The following SAMD5 variants were observed in gnomAD, a reference collection of about 807,000 sequenced individuals.
SAMD5 encodes sterile alpha motif domain containing 5.
Under a neutral mutation model 11.3 loss-of-function variants are expected in SAMD5, and 13 were observed. The observed-to-expected ratio is 1.15, with a 90% confidence interval of 0.75 to 1.83. The LOEUF (loss-of-function observed/expected upper bound fraction) is 1.83. Ranked by LOEUF, SAMD5 falls within the 40% of genes most tolerant of loss-of-function variation. The pLI is 0.00. For synonymous variants in SAMD5, 129 were observed against 111.3 expected, an observed-to-expected ratio of 1.16 and a Z score of -1.00; for missense variants, 255 against 239.1, an observed-to-expected ratio of 1.07 and a Z score of -0.44.
chr6:147,573,986 G>T (rs888601656), downstream of SAMD5, among the ~76,000 whole-genome samples: 2 of 152,036 alleles, frequency 1.3e-5, no homozygotes, highest in African/African-American at 4.8e-5. Context: ...AAATTAGCCG[G>T]GCGTGGTGGC....
At chr6:147,529,398 G>A (rs1303020624) in intron 1 of SAMD5, among the ~76,000 whole-genome samples, 4 of 151,992 alleles carry the variant, frequency 2.6e-5, no homozygotes, top group Admixed American at 6.6e-5. Flanking sequence ...CCAAGAGTTC[G>A]ATGAATACCA....
chr6:147,929,466 C>T, the SAMD5 span, among the ~76,000 whole-genome samples: 1 of 152,176 alleles, frequency 6.6e-6, no homozygotes, highest in Non-Finnish European at 1.5e-5. Context: ...TTTTATCTTT[C>T]TCACCTTGAA....
At chr6:147,646,030 C>CTATCTATCTATG (rs1790394723) in intron 1 of SAMD5, among the ~76,000 whole-genome samples, 1 of 14,740 alleles carries the variant, frequency 6.8e-5, no homozygotes, top group Non-Finnish European at 1.3e-4. Flanking sequence ...ATCTATGTAT[C>CTATCTATCTATG]TATCTATCTA....
intron 1 of SAMD5, among the ~76,000 whole-genome samples, chr6:147,625,129 AG>A (rs1790032121): frequency 6.6e-6 from 1 of 152,062 alleles, no homozygotes; most frequent in South Asian, 2.1e-4. Context: ...GGGTTCCTGG[AG>A]GGTTTACATG....
At chr6:147,865,535 G>A in the SAMD5 span, among the ~76,000 whole-genome samples, 2 of 152,102 alleles carry the variant, frequency 1.3e-5, no homozygotes, top group Non-Finnish European at 2.9e-5. Flanking sequence ...TAGCAGCTTT[G>A]CAATTCTAAG....
intron 1 of SAMD5, among the ~76,000 whole-genome samples, chr6:147,541,782 C>T (rs1377281105): frequency 1.3e-5 from 2 of 152,180 alleles, no homozygotes; most frequent in African/African-American, 4.8e-5. Context: ...TTGTCCTATT[C>T]TCCGTCTGAG....
the SAMD5 span, among the ~76,000 whole-genome samples, chr6:147,768,383 A>T: frequency 6.6e-6 from 1 of 152,112 alleles, no homozygotes; most frequent in Non-Finnish European, 1.5e-5. Context: ...CTGTAATCCC[A>T]GCTACTTGGG....
chr6:147,556,099 T>TA (rs1301245208), intron 1 of SAMD5, among the ~76,000 whole-genome samples: 2 of 147,754 alleles, frequency 1.4e-5, no homozygotes, highest in African/African-American at 5.0e-5. Context: ...TTATTATTAT[T>TA]TTTTTTTTTT....
At chr6:147,849,120 G>T in the SAMD5 span, among the ~76,000 whole-genome samples, 2 of 148,446 alleles carry the variant, frequency 1.3e-5, no homozygotes, top group African/African-American at 5.0e-5. Flanking sequence ...AGCCAAAGGT[G>T]TAATAGTTGA....
intron 1 of SAMD5, among the ~76,000 whole-genome samples, chr6:147,557,928 G>A (rs773885466): frequency 3.3e-5 from 5 of 152,118 alleles, no homozygotes; most frequent in Non-Finnish European, 5.9e-5. Context: ...GTCTAGGATC[G>A]CCATCACATT....
chr6:147,535,593 C>G (rs1345227367), intron 1 of SAMD5, among the ~76,000 whole-genome samples: 1 of 152,112 alleles, frequency 6.6e-6, no homozygotes, highest in South Asian at 2.1e-4. Context: ...AAACTTTAGT[C>G]TTTCTGTACT....
the SAMD5 span, among the ~76,000 whole-genome samples, chr6:147,945,538 TG>T: frequency 1.3e-5 from 2 of 152,274 alleles, no homozygotes; most frequent in South Asian, 4.1e-4. Flanking sequence ...GTGAATTCAT[TG>T]GAGGTGATGT....
chr6:147,948,991 A>T, the SAMD5 span, among the ~76,000 whole-genome samples: 1 of 152,206 alleles, frequency 6.6e-6, no homozygotes, highest in Non-Finnish European at 1.5e-5. Flanking sequence ...CAGGAGACAG[A>T]AAGATGGAGG....
intron 1 of SAMD5, among the ~76,000 whole-genome samples, chr6:147,639,497 C>T (rs1190041312): frequency 6.6e-6 from 1 of 152,178 alleles, no homozygotes; most frequent in Non-Finnish European, 1.5e-5. Flanking sequence ...TCTGGGGTCC[C>T]CGAGGAGCTA....
the SAMD5 span, among the ~76,000 whole-genome samples, chr6:147,919,839 T>G: frequency 6.6e-6 from 1 of 152,212 alleles, no homozygotes; most frequent in East Asian, 1.9e-4. Flanking sequence ...CTGTCCTCCT[T>G]TGAGGCCAGG....
chr6:147,801,297 AT>A, the SAMD5 span, among the ~76,000 whole-genome samples: 1 of 151,296 alleles, frequency 6.6e-6, no homozygotes, highest in Non-Finnish European at 1.5e-5. Context: ...TAACAGCTAT[AT>A]TTTTTTTTAG....
intron 1 of SAMD5, among the ~76,000 whole-genome samples, chr6:147,609,763 G>A (rs1002287023): frequency 2.0e-5 from 3 of 151,812 alleles, no homozygotes; most frequent in African/African-American, 7.3e-5. Flanking sequence ...TCACCATGTT[G>A]GGCAGGCTGG....
chr6:147,930,948 C>A, the SAMD5 span, among the ~76,000 whole-genome samples: 4 of 152,216 alleles, frequency 2.6e-5, no homozygotes. Context: ...ACATGTCAGT[C>A]TCCTCCAGAA....
chr6:147,790,734 C>G, the SAMD5 span, among the ~76,000 whole-genome samples: 1 of 131,484 alleles, frequency 7.6e-6, no homozygotes, highest in Non-Finnish European at 1.6e-5. Flanking sequence ...ATTGGTCGAT[C>G]TCTCTCTCTC....
Sources: gnomAD v4.1 joint callset for allele counts (sites outside exome capture counted in the v4.1 genomes callset) on GRCh38, gnomAD v4.1.1 for gene constraint, MANE v1.5 for transcripts, NCBI Gene and HGNC (gene_info 2026-07-23, HGNC 2026-07-21) for gene names.